The following RCL1 variants were observed in gnomAD, a reference collection of about 807,000 sequenced individuals.
The protein encoded by RCL1 is RNA 3'-terminal phosphate cyclase-like protein.
A neutral mutation model predicts 42.4 loss-of-function variants in RCL1; 24 were observed. The ratio of observed to expected loss-of-function variants is 0.57; its 90% confidence interval spans 0.41 to 0.80. The LOEUF is 0.80. RCL1 is among the 30% of genes least tolerant of loss of function. RCL1 has a pLI of 0.00. For missense variants in RCL1, 578 were observed against 467.9 expected (o/e 1.24, Z -2.17); for synonymous variants, 228 against 177.3 (o/e 1.29, Z -2.27).
chr9:4,805,819 G>C (rs1172058310), intron 1 of RCL1, among the ~76,000 whole-genome samples: 2 of 152,198 alleles, frequency 1.3e-5, no homozygotes, highest in African/African-American at 2.4e-5. Context: ...CAGCAGCTGT[G>C]CTTGCCTTGT....
At chr9:4,849,642 C>A in intron 8 of RCL1, 92 bp downstream of exon 8, 1 of 858,440 alleles carries the variant, frequency 1.2e-6, no homozygotes, top group Non-Finnish European at 1.9e-6. Flanking sequence ...ACAGAGCCTG[C>A]ACTATGAACA....
rs58494209 is a variant in RCL1 at position 4,806,017 on chromosome 9, GGTGTGTGT to G, written c.136+12811_136+12818del. ...TATTAGTATATAGAAATACCATTGG[GGTGTGTGT>G]GTGTGTGTGTGTGTGTGTGTTTGTG... On this transcript the variant is annotated intron_variant, in intron 1 of 8. Coordinates refer to ENST00000381750, the MANE Select transcript of RCL1 (RefSeq NM_005772.5). Among the ~76,000 whole-genome samples the G allele has an allele frequency of 2.6e-3, 372 of 142,832 alleles. 2 individuals carry two copies. The highest frequency in any genetic ancestry group is 8.8e-3 in the African/African-American group (338 of 38,336). The allele number at this position is 142,832 out of a possible 152,430, so 93.7% of individuals were successfully genotyped here. A position where few individuals can be genotyped will look rare whatever the true frequency, so the allele number is the denominator to read the frequency against.
chr9:4,811,188 G>T (rs1816159960), intron 1 of RCL1, among the ~76,000 whole-genome samples: 1 of 151,872 alleles, frequency 6.6e-6, no homozygotes, highest in Non-Finnish European at 1.5e-5. Flanking sequence ...AGGCTGAGGT[G>T]GGAGGATCAC....
chr9:4,828,003 A>ATG (rs1816822685), intron 3 of RCL1, among the ~76,000 whole-genome samples: 10 of 151,876 alleles, frequency 6.6e-5, no homozygotes, highest in Non-Finnish European at 1.2e-4. Flanking sequence ...TGGCTAACAC[A>ATG]GTGAAACCCC....
At chr9:4,834,071 C>T (rs570431483) in intron 4 of RCL1, 70 bp from the exon 5 acceptor site, 4 of 1,544,314 alleles carry the variant, frequency 2.6e-6, no homozygotes, top group African/African-American at 1.4e-5. Flanking sequence ...GTAAACCTTC[C>T]TGGGCAGGGT....
At chr9:4,844,501 G>A (rs370809354) in intron 6 of RCL1, 24 bp from the exon 7 acceptor site, 52 of 1,590,978 alleles carry the variant, frequency 3.3e-5, no homozygotes, top group Non-Finnish European at 4.3e-5. Flanking sequence ...AACCTACTCA[G>A]TGTTTGTGCC....
At chr9:4,855,570 G>A (rs574231490) in intron 8 of RCL1, among the ~76,000 whole-genome samples, 33 of 152,290 alleles carry the variant, frequency 2.2e-4, no homozygotes, top group African/African-American at 7.5e-4. Context: ...GATACAGGAC[G>A]AGCTTACTCT....
At chr9:4,804,389 G>A (rs7872862) in intron 1 of RCL1, 31,495 of 152,388 alleles carry the variant, frequency 0.21, 3,820 homozygotes, top group South Asian at 0.36. Context: ...AGTGGGTGCC[G>A]GCACGGCTGC....
chr9:4,800,772 C>T (rs1303309952), intron 1 of RCL1, among the ~76,000 whole-genome samples: 1 of 151,630 alleles, frequency 6.6e-6, no homozygotes. Flanking sequence ...CCTGCCTCAG[C>T]CTCCAGAGCA....
intron 7 of RCL1, among the ~76,000 whole-genome samples, chr9:4,849,227 G>A (rs1195529401): frequency 6.8e-6 from 1 of 146,882 alleles, no homozygotes; most frequent in Non-Finnish European, 1.5e-5. Context: ...GTCTCATTCT[G>A]ATAGTCTCAA....
At chr9:4,849,093 A>ATT (rs397770252) in intron 7 of RCL1, among the ~76,000 whole-genome samples, 3,351 of 145,180 alleles carry the variant, frequency 0.023, 111 homozygotes, top group African/African-American at 0.073. Flanking sequence ...ACTGATTAAG[A>ATT]TTTTTTTTTT....
intron 7 of RCL1, among the ~76,000 whole-genome samples, chr9:4,845,092 G>A (rs529878516): frequency 2.0e-4 from 30 of 152,352 alleles, no homozygotes; most frequent in African/African-American, 6.7e-4. Flanking sequence ...AGAGAAGCTA[G>A]AAATCTGGAT....
chr9:4,806,247 A>C (rs76008860), intron 1 of RCL1, among the ~76,000 whole-genome samples: 4,471 of 151,880 alleles, frequency 0.029, 192 homozygotes, highest in African/African-American at 0.098. Flanking sequence ...GCCTTATTGC[A>C]CTGGCTAGAA....
At chr9:4,825,387 T>C (rs1354296350) in intron 2 of RCL1, among the ~76,000 whole-genome samples, 4 of 152,208 alleles carry the variant, frequency 2.6e-5, no homozygotes, top group Non-Finnish European at 5.9e-5. Context: ...TATAGTCTTT[T>C]TATGGTTTTT....
intron 3 of RCL1, among the ~76,000 whole-genome samples, chr9:4,830,973 C>T (rs1039196788): frequency 3.9e-5 from 6 of 152,270 alleles, no homozygotes; most frequent in African/African-American, 1.4e-4. Flanking sequence ...CATCACTCTG[C>T]TAAAACTAGA....
At position 4,816,137 on chromosome 9, in the gene RCL1, T is replaced by G. The variant is rs911105919; in HGVS notation, c.137-7411T>G. ...TCTGAGCACCTTTTCTTTGATGTAT[T>G]GGTCAGTTGGATATCCTCTTTTATG... On this transcript the variant is annotated intron_variant, in intron 1 of 8. Coordinates refer to ENST00000381750, the MANE Select transcript of RCL1 (RefSeq NM_005772.5). Among the ~76,000 whole-genome samples the G allele has an allele frequency of 3.9e-5, 6 of 152,228 alleles. No homozygotes were observed. The East Asian group carries it at 1.2e-3, about 29-fold the overall frequency.
rs766132082 is a variant in RCL1 at position 4,849,539 on chromosome 9, C to G, written c.960C>G (p.Leu320=). 1.2e-6 allele frequency: 2 copies of G among 1,610,918 alleles called. No individual in the cohort carries two copies. The highest frequency in any genetic ancestry group is 1.1e-5 in the South Asian group (1 of 91,034). Residue 320 remains leucine, a synonymous_variant, in exon 8 of 9, where the codon CTC becomes CTG. Coordinates refer to ENST00000381750, the MANE Select transcript of RCL1 (RefSeq NM_005772.5). Reference sequence around the variant, plus strand: ...TTTCCAAAGTCCTGCTAGGCCCTCTCTCTCCCTACACGTAAGTTATTCTTT... The same window carrying G: ...TTTCCAAAGTCCTGCTAGGCCCTCTGTCTCCCTACACGTAAGTTATTCTTT... ...QDVSKVLLGP[L]SPYTIEFLRH...
intron 1 of RCL1, among the ~76,000 whole-genome samples, chr9:4,816,264 A>T (rs1190242144): frequency 6.6e-6 from 1 of 152,152 alleles, no homozygotes; most frequent in Non-Finnish European, 1.5e-5. Context: ...CACATATGTT[A>T]TTCCACTCTG....
intron 7 of RCL1, among the ~76,000 whole-genome samples, chr9:4,847,600 G>A (rs763601645): frequency 4.6e-5 from 7 of 152,234 alleles, no homozygotes; most frequent in Non-Finnish European, 8.8e-5. Flanking sequence ...ATTTCTAGCA[G>A]AGAAGTTCTT....
Sources: gnomAD v4.1 joint callset for allele counts (sites outside exome capture counted in the v4.1 genomes callset) on GRCh38, gnomAD v4.1.1 for gene constraint, MANE v1.5 for transcripts, NCBI Gene and HGNC (gene_info 2026-07-23, HGNC 2026-07-21) for gene names.